The following OLFM3 variants were observed in gnomAD, a reference collection of about 807,000 sequenced individuals.
OLFM3 encodes the protein noelin-3.
OLFM3 carries 20 observed loss-of-function variants against 48.6 expected under a neutral mutation model. The ratio of observed to expected loss-of-function variants is 0.41; its 90% CI spans 0.29 to 0.60. The LOEUF is 0.60. OLFM3 is among the 20% of genes least tolerant of loss of function. OLFM3 has a pLI of 0.28. For synonymous variants in OLFM3, 222 were observed against 198.1 expected (o/e 1.12, Z -1.01); for missense variants, 437 against 544.3 (o/e 0.80, Z 1.96).
chr1:101,992,584 C>T (rs573018647), intron 1 of OLFM3, among the ~76,000 whole-genome samples: 73 of 149,378 alleles, frequency 4.9e-4, no homozygotes, highest in African/African-American at 1.7e-3. Context: ...ATTTTTAAGG[C>T]GAATTTTAAA....
chr1:101,920,043 G>A (rs1023094882), intron 1 of OLFM3, among the ~76,000 whole-genome samples: 6 of 152,090 alleles, frequency 3.9e-5, no homozygotes, highest in Admixed American at 1.3e-4. Context: ...AAATCCTGCC[G>A]ATTGTAAACC....
At chr1:101,833,476 G>T (rs769714298) in intron 2 of OLFM3, among the ~76,000 whole-genome samples, 2 of 152,186 alleles carry the variant, frequency 1.3e-5, no homozygotes, top group Non-Finnish European at 2.9e-5. Flanking sequence ...CATGAGTAAG[G>T]AAGGAGAACT....
intron 1 of OLFM3, among the ~76,000 whole-genome samples, chr1:101,908,657 G>C (rs1658637173): frequency 6.6e-6 from 1 of 152,174 alleles, no homozygotes; most frequent in South Asian, 2.1e-4. Flanking sequence ...CTGTGGAGAT[G>C]TAATTAAGTG....
At chr1:101,806,210 A>G (rs1327351923) in intron 4 of OLFM3, 28 bp from the exon 5 acceptor site, 3 of 1,558,556 alleles carry the variant, frequency 1.9e-6, no homozygotes, top group African/African-American at 2.7e-5. Flanking sequence ...CAAACGTGTT[A>G]GGTGAACGCA....
At chr1:101,858,996 T>C (rs535133904) in intron 1 of OLFM3, among the ~76,000 whole-genome samples, 1 of 151,978 alleles carries the variant, frequency 6.6e-6, no homozygotes, top group East Asian at 1.9e-4. Flanking sequence ...CCCAAGAAAA[T>C]CAGGAAGGAA....
intron 4 of OLFM3, among the ~76,000 whole-genome samples, chr1:101,808,856 A>T (rs1413833765): frequency 2.0e-5 from 3 of 151,802 alleles, no homozygotes; most frequent in African/African-American, 7.2e-5. Flanking sequence ...GTTCAGAAAA[A>T]CCAGGGCTCC....
chr1:101,933,103 G>A (rs897009519), intron 1 of OLFM3, among the ~76,000 whole-genome samples: 2 of 149,264 alleles, frequency 1.3e-5, no homozygotes, highest in Non-Finnish European at 3.0e-5. Context: ...TTGGGAGGCT[G>A]AGGCAGGAGA....
At chr1:101,922,208 C>T (rs1659119197) in intron 1 of OLFM3, among the ~76,000 whole-genome samples, 1 of 152,148 alleles carries the variant, frequency 6.6e-6, no homozygotes, top group African/African-American at 2.4e-5. Context: ...TGCTTTCTTT[C>T]TTCATCTTTA....
intron 1 of OLFM3, among the ~76,000 whole-genome samples, chr1:101,875,690 G>A (rs1231024125): frequency 1.3e-5 from 2 of 151,764 alleles, no homozygotes; most frequent in East Asian, 1.9e-4. Flanking sequence ...ATTCCATTTT[G>A]TCTGTCATCA....
intron 1 of OLFM3, among the ~76,000 whole-genome samples, chr1:101,905,247 C>T (rs1281049932): frequency 6.6e-6 from 1 of 152,132 alleles, no homozygotes; most frequent in Admixed American, 6.6e-5. Flanking sequence ...AAACACCTCC[C>T]CCAGTTTTGA....
At chr1:101,812,627 G>C in intron 4 of OLFM3, 1 of 985,674 alleles carries the variant, frequency 1.0e-6, no homozygotes, top group Non-Finnish European at 1.2e-6. Context: ...GGCTTGGGGT[G>C]TCTTTGGCTT....
chr1:101,893,977 G>A (rs1054745651), intron 1 of OLFM3: 3 of 153,410 alleles, frequency 2.0e-5, no homozygotes, highest in African/African-American at 7.2e-5. Context: ...AAGCAAATGT[G>A]GGACCATTAC....
At chr1:101,837,104 TA>T in intron 1 of OLFM3, 79 bp from the exon 2 acceptor site, 2 of 1,382,274 alleles carry the variant, frequency 1.4e-6, no homozygotes, top group Non-Finnish European at 9.9e-7. Flanking sequence ...GCATTTCAAG[TA>T]AAACACTTTT....
intron 4 of OLFM3, chr1:101,812,629 C>T (rs977600474): frequency 5.1e-6 from 5 of 985,710 alleles, no homozygotes; most frequent in Non-Finnish European, 3.6e-6. Context: ...CTTGGGGTGT[C>T]TTTGGCTTCG....
rs150393111 is a variant in OLFM3 at position 101,802,703 on chromosome 1, C to T, written c.*1535G>A. On this transcript the variant is annotated 3_prime_UTR_variant, in exon 6 of 6. Coordinates refer to ENST00000370103, the MANE Select transcript of OLFM3 (RefSeq NM_058170.4). Reference sequence around the variant, plus strand: ...TCTTTACATGATGCTTTATCTAAATCATTACATCCTTATCTTTCAAAGAAA... The same window carrying T: ...TCTTTACATGATGCTTTATCTAAATTATTACATCCTTATCTTTCAAAGAAA... 1 of 151,718 alleles carries T rather than the reference C, an allele frequency of 6.6e-6. No homozygotes were observed. The highest frequency in any genetic ancestry group is 1.9e-4 in the East Asian group (1 of 5,144). 9.4% of individuals were successfully genotyped at this position (151,718 alleles called of 1,614,324 possible).
At chr1:101,910,931 A>ATT (rs997308697) in intron 1 of OLFM3, among the ~76,000 whole-genome samples, 1 of 151,438 alleles carries the variant, frequency 6.6e-6, no homozygotes, top group Non-Finnish European at 1.5e-5. Context: ...GGGAAACTGC[A>ATT]TTTTTTTTTA....
intron 3 of OLFM3, 78 bp from the exon 4 acceptor site, chr1:101,825,323 A>G: frequency 9.1e-7 from 1 of 1,101,182 alleles, no homozygotes; most frequent in Non-Finnish European, 1.3e-6. Context: ...TATGATACTT[A>G]AAGGAAATTA....
At chr1:101,960,097 A>T (rs546560251) in intron 1 of OLFM3, among the ~76,000 whole-genome samples, 1 of 152,284 alleles carries the variant, frequency 6.6e-6, no homozygotes, top group South Asian at 2.1e-4. Context: ...TACGAGGCTT[A>T]TGGAGGAAAC....
intron 1 of OLFM3, among the ~76,000 whole-genome samples, chr1:101,909,475 C>T (rs1378310610): frequency 1.3e-5 from 2 of 152,220 alleles, no homozygotes; most frequent in East Asian, 3.9e-4. Flanking sequence ...TCTGTTTGGG[C>T]TGGAACTTAA....
Sources: gnomAD v4.1 joint callset for allele counts (sites outside exome capture counted in the v4.1 genomes callset) on GRCh38, gnomAD v4.1.1 for gene constraint, MANE v1.5 for transcripts, NCBI Gene and HGNC (gene_info 2026-07-23, HGNC 2026-07-21) for gene names.